TJP2: variants seen among roughly 807,000 people sequenced by gnomAD.
TJP2 encodes Friedreich ataxia region gene X104 (tight junction protein ZO-2).
TJP2 carries 91 observed loss-of-function variants against 133.1 expected under a neutral mutation model. The ratio of observed to expected loss-of-function variants is 0.68; its 90% CI spans 0.58 to 0.81. The LOEUF is 0.81. Ranked by LOEUF, TJP2 falls within the 40% of genes least tolerant of loss-of-function variation. TJP2 has a pLI of 0.00. For synonymous variants in TJP2, 592 were observed against 583.4 expected, an observed-to-expected ratio of 1.01 and a Z score of -0.21; for missense variants, 1,541 against 1,565.6, an observed-to-expected ratio of 0.98 and a Z score of 0.26.
intron 1 of TJP2, among the ~76,000 whole-genome samples, chr9:69,208,206 T>C (rs1034558068): frequency 2.0e-5 from 3 of 152,266 alleles, no homozygotes; most frequent in African/African-American, 7.2e-5. Flanking sequence ...ATTTTTGCTC[T>C]AGTTCCCTTC....
rs371868714 is a variant in TJP2, at chr9:69,254,216, C to A, written c.3415C>A (p.Pro1139Thr). The change falls in exon 23 of 23, where the codon CCC becomes ACC. Residue 1139 changes from proline to threonine, a missense_variant. Pro to Thr is a conservative substitution (Grantham distance 38). Transcript: ENST00000377245. ...ACACCCTTTTTTTGTTAGTTCCAGA[C>A]CCCCTGAGCCACAGAAAGCTCCTTC... ...PGTPQHTSSRPPEPQKAPSRP... is the reference protein window; with the variant it reads ...PGTPQHTSSRTPEPQKAPSRP... 12 of 1,614,204 alleles carry A rather than the reference C, an allele frequency of 7.4e-6. No individual in the cohort carries two copies. The highest frequency in any genetic ancestry group is 8.5e-6 in the Non-Finnish European group (10 of 1,180,032).
chr9:69,214,679 C>T (rs144127357), intron 2 of TJP2, among the ~76,000 whole-genome samples: 3,115 of 151,956 alleles, frequency 0.02, 93 homozygotes, highest in African/African-American at 0.071. Flanking sequence ...CCATCCTGGC[C>T]AACATGGTGA....
chr9:69,199,797 A>G (rs75820629), intron 1 of TJP2, among the ~76,000 whole-genome samples: 1 of 152,186 alleles, frequency 6.6e-6, no homozygotes, highest in East Asian at 1.9e-4. Context: ...CACGCATGAC[A>G]TTGTTCATGG....
rs1465210750 is a variant in TJP2 at position 69,226,048 on chromosome 9, G to A, written c.1083G>A (p.Met361Ile). Reference protein sequence around the residue: ...LKINGTVTENMSLTDARKLIE... With the variant: ...LKINGTVTENISLTDARKLIE... ...TCAATGGGACTGTAACTGAGAACAT[G>A]TCTTTAACGGATGCTCGAAAATTGA... The change falls in exon 7 of 23, where the codon ATG becomes ATA. Residue 361 changes from methionine (M) to isoleucine (I), a missense_variant. Transcript: ENST00000377245. 2 of 1,614,144 alleles carry A rather than the reference G, an allele frequency of 1.2e-6. No individual in the cohort carries two copies. Among genetic ancestry groups the A allele is most frequent in the Non-Finnish European group, 1.7e-6 (2 of 1,180,024 alleles).
chr9:69,153,636 G>C (rs1287506935), intron 2 of TJP2, among the ~76,000 whole-genome samples: 1 of 152,142 alleles, frequency 6.6e-6, no homozygotes, highest in African/African-American at 2.4e-5. Flanking sequence ...AGGATCTGTT[G>C]ATTATTCAAA....
chr9:69,248,080 G>T lies in TJP2; in HGVS notation c.2736G>T (p.Leu912=). Residue 912 remains leucine, a synonymous_variant, in exon 19 of 23, where the codon CTG becomes CTT. Coordinates refer to ENST00000377245, the MANE Select transcript of TJP2 (RefSeq NM_004817.4). ...SYLTAMGADY[L]SCDSRLISDF... is the part of the protein sequence containing the mutation. Reference sequence around the variant, plus strand: ...TAACCGCCATGGGCGCGGACTATCTGAGTTGCGACAGCCGCCTCATCAGTG... The same window carrying T: ...TAACCGCCATGGGCGCGGACTATCTTAGTTGCGACAGCCGCCTCATCAGTG... The T allele has an allele frequency of 6.2e-7, 1 of 1,614,182 alleles. No homozygotes were observed. Among genetic ancestry groups the T allele is most frequent in the Non-Finnish European group, 8.5e-7 (1 of 1,180,044 alleles).
chr9:69,174,026 C>T (rs1824854144), upstream of TJP2: 1 of 1,036,116 alleles, frequency 9.7e-7, no homozygotes, highest in South Asian at 4.5e-5. Flanking sequence ...GCCGCCGCCG[C>T]CTCCCGCCCC....
At chr9:69,195,031 C>A (rs931882810) in intron 1 of TJP2, among the ~76,000 whole-genome samples, 8 of 152,172 alleles carry the variant, frequency 5.3e-5, no homozygotes, top group Non-Finnish European at 1.5e-5. Flanking sequence ...TGCCCCAGGT[C>A]TGGGAGGGAA....
chr9:69,229,993 G>T, intron 10 of TJP2, 89 bp from the exon 11 acceptor site: 1 of 1,516,498 alleles, frequency 6.6e-7, no homozygotes, highest in South Asian at 1.1e-5. Context: ...TCTGTAGCTA[G>T]AAGAAATTAA....
intron 2 of TJP2, 60 bp downstream of exon 2, chr9:69,212,661 T>G (rs528308754): frequency 7.7e-6 from 11 of 1,431,968 alleles, no homozygotes; most frequent in Non-Finnish European, 1.1e-5. Context: ...GGATCATGGA[T>G]CTTATTTATT....
intron 9 of TJP2, among the ~76,000 whole-genome samples, chr9:69,228,612 GTGTA>G (rs1347332111): frequency 6.6e-6 from 1 of 152,212 alleles, no homozygotes. Flanking sequence ...ACATGTATAT[GTGTA>G]TGTATAGATA....
intron 3 of TJP2, among the ~76,000 whole-genome samples, chr9:69,216,792 C>T (rs1000620810): frequency 1.3e-5 from 2 of 152,002 alleles, no homozygotes; most frequent in Non-Finnish European, 2.9e-5. Context: ...TTAACCAACA[C>T]TGTTTATGTT....
intron 1 of TJP2, chr9:69,151,648 C>T: frequency 1.6e-6 from 2 of 1,232,080 alleles, no homozygotes; most frequent in Non-Finnish European, 2.0e-6. Flanking sequence ...CTGTCTTTTC[C>T]AGGGTGCGAA....
chr9:69,198,794 G>A (rs1269275125), intron 1 of TJP2, among the ~76,000 whole-genome samples: 3 of 152,230 alleles, frequency 2.0e-5, no homozygotes, highest in African/African-American at 7.2e-5. Flanking sequence ...TGGAATAAAC[G>A]ATGAAAGGGT....
rs762134385 is a variant in TJP2 at position 69,254,403 on chromosome 9, G to A, written c.*29G>A. On this transcript the variant is annotated 3_prime_UTR_variant, in exon 23 of 23. Transcript: ENST00000377245. ...TCTGAGCACGGACTCTCCCAGGCCT[G>A]CCTGCATGGCATCAGACTAGCCACT... The A allele has an allele frequency of 1.2e-6, 2 of 1,612,836 alleles. No homozygotes were observed. Among genetic ancestry groups the A allele is most frequent in the South Asian group, 1.1e-5 (1 of 91,046 alleles).
chr9:69,135,624 T>C (rs1210531313), intron 1 of TJP2, among the ~76,000 whole-genome samples: 1 of 151,810 alleles, frequency 6.6e-6, no homozygotes, highest in Non-Finnish European at 1.5e-5. Flanking sequence ...TTTTTTCTTT[T>C]GAGACGGAGT....
At position 69,251,184 on chromosome 9, in the gene TJP2, G is replaced by T. The variant is rs1401074929; in HGVS notation, c.3141G>T (p.Arg1047=). Residue 1047 remains arginine (R), a synonymous_variant, in exon 21 of 23, where the codon CGG becomes CGT. Coordinates refer to ENST00000377245, the MANE Select transcript of TJP2 (RefSeq NM_004817.4). ...PPVAAKPTFG[R]SILKPSTPIP... ...TTGCAGCAAAACCTACCTTTGGGCG[G>T]TCTATACTGAAGCCCTCCACTCCCA... 5.6e-6 allele frequency: 9 copies of T among 1,614,118 alleles called. No individual in the cohort carries two copies. The highest frequency in any genetic ancestry group is 7.6e-6 in the Non-Finnish European group (9 of 1,180,026).
chr9:69,135,915 G>A (rs1822711851), intron 1 of TJP2, among the ~76,000 whole-genome samples: 1 of 152,030 alleles, frequency 6.6e-6, no homozygotes, highest in South Asian at 2.1e-4. Flanking sequence ...CAAGTGTAGG[G>A]TCTTAATCAT....
chr9:69,157,586 C>G (rs914789758), intron 2 of TJP2, among the ~76,000 whole-genome samples: 2 of 151,912 alleles, frequency 1.3e-5, no homozygotes, highest in African/African-American at 4.8e-5. Context: ...CTGCCTCAGC[C>G]TCTTGAGTAG....
Sources: gnomAD v4.1 joint callset for allele counts (sites outside exome capture counted in the v4.1 genomes callset) on GRCh38, gnomAD v4.1.1 for gene constraint, MANE v1.5 for transcripts, NCBI Gene and HGNC (gene_info 2026-07-23, HGNC 2026-07-21) for gene names.